The following DISC1 variants were observed in gnomAD, a reference collection of about 807,000 sequenced individuals.
The protein encoded by DISC1 is DISC1 scaffold protein.
DISC1 carries 57 observed loss-of-function variants against 84.5 expected under a neutral mutation model. That is an observed-to-expected ratio of 0.67 (90% CI 0.55 to 0.84). The LOEUF is 0.84. DISC1 is among the 40% of genes least tolerant of loss of function. The probability of loss-of-function intolerance (pLI) is 0.00; values close to 1 mark genes in which losing one functional copy is unlikely to be tolerated. For missense variants in DISC1, 1,000 were observed against 1,057.8 expected (o/e 0.95, Z 0.76); for synonymous variants, 411 against 415.2 (o/e 0.99, Z 0.12).
Position 231,818,318 on chromosome 1 carries a change from A to G in DISC1, c.1793-11A>G, listed in dbSNP as rs1246246147. The G allele has an allele frequency of 6.2e-7, 1 of 1,613,176 alleles. No homozygotes were observed. Among genetic ancestry groups the G allele is most frequent in the Non-Finnish European group, 8.5e-7 (1 of 1,179,402 alleles). On this transcript the variant is annotated splice_polypyrimidine_tract_variant and intron_variant, in intron 8 of 12. Coordinates refer to ENST00000439617, the MANE Select transcript of DISC1 (RefSeq NM_018662.3). ...TTGTTTTCCCTTCTTCTCTCCCACA[A>G]CGTGCTGTAGGAAACCATTTCTGGA...
chr1:231,630,814 T>C lies in DISC1; in HGVS notation c.67+3880T>C, dbSNP rs1464926124. Reference sequence around the variant, plus strand: ...TCTTTCAAAACCAGAGTTCACCAGCTGTTTCTCTTGAGCGAAGACTTTGCA... The same window carrying C: ...TCTTTCAAAACCAGAGTTCACCAGCCGTTTCTCTTGAGCGAAGACTTTGCA... On this transcript the variant is annotated intron_variant, in intron 1 of 12. Transcript: ENST00000439617. The surrounding 1 kb of genome is among the most constrained non-coding windows in gnomAD (Gnocchi z 4.4). Among the ~76,000 whole-genome samples, 2 of 152,206 alleles carry C rather than the reference T, an allele frequency of 1.3e-5. No individual in the cohort carries two copies. Among genetic ancestry groups the C allele is most frequent in the Non-Finnish European group, 2.9e-5 (2 of 68,042 alleles).
At position 232,034,876 on chromosome 1, in the gene DISC1, A is replaced by G. The variant is rs78148326; in HGVS notation, c.2426-1816A>G. Among the ~76,000 whole-genome samples, 161 of 150,916 alleles carry G rather than the reference A, an allele frequency of 1.1e-3. 5 individuals carry two copies. The East Asian group carries it at 0.027, about 26-fold the overall frequency. ...AAAGATTAGCGGAACTATGTAAGAA[A>G]TGGAAGCAACCAAAGCCTCTTAAAA... On this transcript the variant is annotated intron_variant, in intron 12 of 12. Transcript: ENST00000439617.
intron 3 of DISC1, among the ~76,000 whole-genome samples, chr1:231,708,970 G>A (rs1435965614): frequency 6.6e-6 from 1 of 152,178 alleles, no homozygotes; most frequent in Non-Finnish European, 1.5e-5. Flanking sequence ...TCTCAGAAGA[G>A]CATAAGCTTG....
At chr1:231,955,067 T>C (rs1413130401) in intron 9 of DISC1, among the ~76,000 whole-genome samples, 1 of 152,248 alleles carries the variant, frequency 6.6e-6, no homozygotes, top group Non-Finnish European at 1.5e-5. Context: ...GTGATTAACT[T>C]GATAGACATC....
chr1:231,950,625 G>T (rs1658197128), intron 9 of DISC1, among the ~76,000 whole-genome samples: 1 of 152,116 alleles, frequency 6.6e-6, no homozygotes, highest in African/African-American at 2.4e-5. Flanking sequence ...TGACTTGTGC[G>T]GATTTATTAG....
rs73094810 is a variant in DISC1 at position 231,862,129 on chromosome 1, C to T, written c.1981+43612C>T. On this transcript the variant is annotated intron_variant, in intron 9 of 12. Transcript: ENST00000439617. ...ACCTGACAACAGTTATATTACTTTA[C>T]GGATGATAAAAAGCTTTATCATCGT... 1.0e-2 allele frequency among the ~76,000 whole-genome samples: 1,516 copies of T among 152,286 alleles called. 29 individuals carry two copies. Among genetic ancestry groups the T allele is most frequent in the African/African-American group, 0.034 (1,427 of 41,552 alleles).
At chr1:231,669,747 A>G (rs1558289655) in intron 1 of DISC1, among the ~76,000 whole-genome samples, 1 of 152,100 alleles carries the variant, frequency 6.6e-6, no homozygotes. Flanking sequence ...GGTTGTGGAG[A>G]AAAAAACGCT....
At chr1:231,829,786 A>G (rs2125812491) in intron 9 of DISC1, among the ~76,000 whole-genome samples, 2 of 149,954 alleles carry the variant, frequency 1.3e-5, no homozygotes, top group South Asian at 2.1e-4. Flanking sequence ...GAAGGGAGAT[A>G]GGGGTGGGGC....
At chr1:231,786,922 C>T (rs902543016) in intron 6 of DISC1, among the ~76,000 whole-genome samples, 1 of 152,156 alleles carries the variant, frequency 6.6e-6, no homozygotes, top group African/African-American at 2.4e-5. Context: ...GTTTTGGCTG[C>T]CTGAACCAGC....
intron 9 of DISC1, among the ~76,000 whole-genome samples, chr1:231,896,061 T>G (rs2087660910): frequency 6.6e-6 from 1 of 152,148 alleles, no homozygotes; most frequent in Non-Finnish European, 1.5e-5. Flanking sequence ...AAGGCTGGTG[T>G]GGAGTCACGG....
chr1:231,916,431 G>T (rs1222984719), intron 9 of DISC1, among the ~76,000 whole-genome samples: 1 of 151,926 alleles, frequency 6.6e-6, no homozygotes, highest in African/African-American at 2.4e-5. Context: ...GAGGCGGGCG[G>T]ATCACGAGGT....
intron 9 of DISC1, among the ~76,000 whole-genome samples, chr1:231,863,460 G>A (rs1168849074): frequency 6.6e-6 from 1 of 151,884 alleles, no homozygotes; most frequent in Non-Finnish European, 1.5e-5. Flanking sequence ...TGAACTCCTG[G>A]CCTCAAGCAA....
At chr1:231,821,288 T>C (rs536700265) in intron 9 of DISC1, among the ~76,000 whole-genome samples, 1 of 152,346 alleles carries the variant, frequency 6.6e-6, no homozygotes, top group African/African-American at 2.4e-5. Flanking sequence ...TAGTGATAAG[T>C]TTGTCTTTCT....
At chr1:231,903,351 C>T (rs916141897) in intron 9 of DISC1, among the ~76,000 whole-genome samples, 1 of 152,134 alleles carries the variant, frequency 6.6e-6, no homozygotes, top group Non-Finnish European at 1.5e-5. Context: ...CACCCTCACA[C>T]GTACTAGGAG....
chr1:231,964,346 C>T (rs1357124724), intron 10 of DISC1, among the ~76,000 whole-genome samples: 1 of 152,220 alleles, frequency 6.6e-6, no homozygotes, highest in Non-Finnish European at 1.5e-5. Context: ...GCAAAGCCAC[C>T]TTGCCCCTGG....
At chr1:232,027,970 T>C (rs1390580963) in intron 12 of DISC1, among the ~76,000 whole-genome samples, 1 of 152,170 alleles carries the variant, frequency 6.6e-6, no homozygotes, top group Non-Finnish European at 1.5e-5. Context: ...GGGCAGAAAA[T>C]TTCTTCAACT....
At chr1:231,873,793 G>T (rs2085642233) in intron 9 of DISC1, among the ~76,000 whole-genome samples, 1 of 152,156 alleles carries the variant, frequency 6.6e-6, no homozygotes, top group African/African-American at 2.4e-5. Flanking sequence ...TGTGGAAAAT[G>T]TAATTGGAAT....
At chr1:232,023,907 C>T (rs933196180) in intron 11 of DISC1, among the ~76,000 whole-genome samples, 15 of 151,918 alleles carry the variant, frequency 9.9e-5, no homozygotes, top group Non-Finnish European at 1.5e-5. Flanking sequence ...CTTAGTGTCT[C>T]ATTTATTTCA....
At chr1:231,981,528 G>T (rs1663608916) in intron 10 of DISC1, among the ~76,000 whole-genome samples, 1 of 152,164 alleles carries the variant, frequency 6.6e-6, no homozygotes, top group South Asian at 2.1e-4. Context: ...TGCTTGTTCA[G>T]CATTCTACTT....
Sources: gnomAD v4.1 joint callset for allele counts (sites outside exome capture counted in the v4.1 genomes callset) on GRCh38, gnomAD v4.1.1 for gene constraint, Gnocchi (gnomAD v3.1) non-coding constraint, MANE v1.5 for transcripts, NCBI Gene and HGNC (gene_info 2026-07-23, HGNC 2026-07-21) for gene names.